The following OXSR1 variants were observed in gnomAD, a reference collection of about 807,000 sequenced individuals.
The protein encoded by OXSR1 is serine/threonine-protein kinase OSR1.
Under a neutral mutation model 79.8 loss-of-function variants are expected in OXSR1, and 24 were observed. That is an observed-to-expected ratio of 0.30 (90% confidence interval 0.22 to 0.42). The LOEUF (loss-of-function observed/expected upper bound fraction) is 0.42, where lower values mean the gene tolerates loss of function less well. OXSR1 is among the 10% of genes least tolerant of loss of function. The probability of loss-of-function intolerance (pLI) is 1.00; values close to 1 mark genes in which losing one functional copy is unlikely to be tolerated. For missense variants in OXSR1, 430 were observed against 618.4 expected (o/e 0.70, Z 3.23); for synonymous variants, 226 against 209.2 (o/e 1.08, Z -0.69).
chr3:38,172,471 A>G (rs1025392522), intron 1 of OXSR1, among the ~76,000 whole-genome samples: 11 of 152,254 alleles, frequency 7.2e-5, no homozygotes, highest in African/African-American at 7.2e-5. Context: ...TGAAAACTTA[A>G]TACTAGGTTT....
chr3:38,198,368 T>C (rs913874608), intron 3 of OXSR1, among the ~76,000 whole-genome samples: 11 of 152,174 alleles, frequency 7.2e-5, no homozygotes, highest in African/African-American at 2.7e-4. Flanking sequence ...CATATTCTAA[T>C]CTGATCTTAA....
intron 8 of OXSR1, among the ~76,000 whole-genome samples, chr3:38,226,455 A>G (rs1235359767): frequency 6.6e-6 from 1 of 152,164 alleles, no homozygotes; most frequent in Non-Finnish European, 1.5e-5. Flanking sequence ...AAAACTTTCC[A>G]TGAGTGTGAG....
chr3:38,224,481 C>T (rs1451206860), intron 7 of OXSR1, 90 bp from the exon 8 acceptor site: 1 of 918,120 alleles, frequency 1.1e-6, no homozygotes, highest in Non-Finnish European at 1.7e-6. Flanking sequence ...GTATGTTGGT[C>T]GGGGGGTGCC....
intron 1 of OXSR1, among the ~76,000 whole-genome samples, chr3:38,182,133 T>G (rs1008016930): frequency 2.0e-5 from 3 of 152,238 alleles, no homozygotes; most frequent in Admixed American, 6.5e-5. Flanking sequence ...GTAATTCAGT[T>G]TTCAGATCTC....
intron 2 of OXSR1, among the ~76,000 whole-genome samples, chr3:38,187,135 C>T (rs952662101): frequency 1.3e-5 from 2 of 152,058 alleles, no homozygotes; most frequent in African/African-American, 2.4e-5. Flanking sequence ...AAATAAGACC[C>T]TCACTAAGAG....
At chr3:38,208,247 G>A (rs910690292) in intron 4 of OXSR1, among the ~76,000 whole-genome samples, 7 of 151,930 alleles carry the variant, frequency 4.6e-5, no homozygotes, top group Admixed American at 4.6e-4. Flanking sequence ...ACCAGGTATA[G>A]GAACAATTGA....
intron 10 of OXSR1, among the ~76,000 whole-genome samples, chr3:38,232,692 A>T (rs1025136486): frequency 6.6e-6 from 1 of 152,110 alleles, no homozygotes; most frequent in Non-Finnish European, 1.5e-5. Context: ...CCTGCAGGGC[A>T]GAGGTTGTAG....
At chr3:38,167,893 T>G (rs1326600291) in intron 1 of OXSR1, among the ~76,000 whole-genome samples, 1 of 29,668 alleles carries the variant, frequency 3.4e-5, no homozygotes, top group Non-Finnish European at 5.7e-5. Flanking sequence ...AAAGAAGAGT[T>G]TTTTTTTTTT....
chr3:38,239,725 G>A (rs1343834060), intron 11 of OXSR1, among the ~76,000 whole-genome samples: 1 of 152,106 alleles, frequency 6.6e-6, no homozygotes, highest in Non-Finnish European at 1.5e-5. Context: ...GCTATCTAGG[G>A]TTCACTCTCT....
At chr3:38,209,244 G>A (rs984347243) in intron 4 of OXSR1, among the ~76,000 whole-genome samples, 1 of 151,858 alleles carries the variant, frequency 6.6e-6, no homozygotes, top group African/African-American at 2.4e-5. Flanking sequence ...TGATTGACAG[G>A]GGCTCACTCT....
Position 38,224,657 on chromosome 3 carries a change from A to G in OXSR1, c.789A>G (p.Ser263=). ...DKEMLKKYGK[S]FRKMISLCLQ... ...AAATGCTGAAAAAATATGGAAAATC[A>G]TTTAGAAAAATGATTTCATTGTGCC... The change falls in exon 8 of 18, where the codon TCA becomes TCG. Residue 263 remains serine, a synonymous_variant. Transcript: ENST00000311806. 1 of 1,591,396 alleles carries G rather than the reference A, an allele frequency of 6.3e-7. No homozygotes were observed. The highest frequency in any genetic ancestry group is 1.1e-5 in the South Asian group (1 of 87,178).
chr3:38,253,152 T>A lies in OXSR1; in HGVS notation c.*261T>A. 2.2e-6 allele frequency: 1 copy of A among 459,856 alleles called. No individual in the cohort carries two copies. Among genetic ancestry groups the A allele is most frequent in the Non-Finnish European group, 3.9e-6 (1 of 255,268 alleles). 28.5% of individuals were successfully genotyped at this position (459,856 alleles called of 1,614,324 possible). ...CCCCTGTCTTCCTCCATCTGAGAAGTGGCCCATGTGCTTCAAGGCCCAGGA... is the reference window on the plus strand; with the variant it reads ...CCCCTGTCTTCCTCCATCTGAGAAGAGGCCCATGTGCTTCAAGGCCCAGGA... On this transcript the variant is annotated 3_prime_UTR_variant, in exon 18 of 18. Coordinates refer to ENST00000311806, the MANE Select transcript of OXSR1 (RefSeq NM_005109.3).
At chr3:38,188,679 A>G (rs191671869) in intron 2 of OXSR1, among the ~76,000 whole-genome samples, 7 of 152,332 alleles carry the variant, frequency 4.6e-5, no homozygotes, top group Admixed American at 3.9e-4. Context: ...TGATTTTTAA[A>G]TATACTTTCA....
intron 4 of OXSR1, among the ~76,000 whole-genome samples, chr3:38,201,472 A>T (rs1253109117): frequency 6.6e-6 from 1 of 151,880 alleles, no homozygotes; most frequent in Non-Finnish European, 1.5e-5. Context: ...GCACTTTGGG[A>T]GGCTGAGGCG....
chr3:38,227,680 G>C (rs549415877), intron 8 of OXSR1, among the ~76,000 whole-genome samples: 55 of 152,070 alleles, frequency 3.6e-4, no homozygotes, highest in African/African-American at 1.3e-3. Flanking sequence ...GAGAATTTTC[G>C]AGAGTTGATG....
chr3:38,173,430 A>G (rs982020110), intron 1 of OXSR1, among the ~76,000 whole-genome samples: 1 of 152,170 alleles, frequency 6.6e-6, no homozygotes, highest in African/African-American at 2.4e-5. Context: ...TCTAGGCCCT[A>G]CTCTGCCTAA....
intron 7 of OXSR1, 90 bp from the exon 8 acceptor site, chr3:38,224,481 C>CG (rs780430719): frequency 7.6e-6 from 7 of 918,114 alleles, no homozygotes; most frequent in Middle Eastern, 2.3e-4. Context: ...GTATGTTGGT[C>CG]GGGGGGTGCC....
At chr3:38,173,111 A>G (rs1264933665) in intron 1 of OXSR1, among the ~76,000 whole-genome samples, 2 of 152,186 alleles carry the variant, frequency 1.3e-5, no homozygotes, top group Non-Finnish European at 2.9e-5. Flanking sequence ...CTTCTATTTT[A>G]CTGGCCAGAA....
At chr3:38,218,857 G>C (rs1248047859) in intron 5 of OXSR1, among the ~76,000 whole-genome samples, 1 of 152,004 alleles carries the variant, frequency 6.6e-6, no homozygotes, top group East Asian at 1.9e-4. Flanking sequence ...ATAATTGCCT[G>C]ATTCCACCTT....
Sources: allele counts gnomAD v4.1 joint callset (sites outside exome capture counted in the v4.1 genomes callset), GRCh38; gene constraint gnomAD v4.1.1; transcripts MANE v1.5; gene names NCBI Gene and HGNC (gene_info 2026-07-23, HGNC 2026-07-21).